Variants in NEK1 observed in about 807,000 individuals in gnomAD.
NEK1 encodes serine/threonine-protein kinase Nek1.
Under a neutral mutation model 182.1 loss-of-function variants are expected in NEK1, and 137 were observed. The observed-to-expected ratio is 0.75, with a 90% CI of 0.65 to 0.87. NEK1 has a LOEUF of 0.87. Among genes scored for constraint, NEK1 ranks in the 40% least tolerant of loss-of-function variants. NEK1 has a pLI of 0.00. For synonymous variants in NEK1, 513 were observed against 492.2 expected, an observed-to-expected ratio of 1.04 and a Z score of -0.56; for missense variants, 1,391 against 1,494.4, an observed-to-expected ratio of 0.93 and a Z score of 1.14.
At chr4:169,547,370 C>T (rs966555569) in intron 18 of NEK1, among the ~76,000 whole-genome samples, 12 of 152,128 alleles carry the variant, frequency 7.9e-5, no homozygotes, top group East Asian at 1.9e-4. Flanking sequence ...TTCCCTTTAC[C>T]GGTAACCTGA....
chr4:169,491,162 A>AG lies in NEK1; in HGVS notation c.2008-11629_2008-11628insC, dbSNP rs34050308. Among the ~76,000 whole-genome samples the AG allele has an allele frequency of 2.5e-3, 302 of 122,910 alleles. 20 individuals carry two copies. Among genetic ancestry groups the AG allele is most frequent in the African/African-American group, 8.4e-3 (264 of 31,326 alleles). The allele number at this position is 122,910 out of a possible 152,430, so 80.6% of individuals were successfully genotyped here. On this transcript the variant is annotated intron_variant, in intron 23 of 35. Transcript: ENST00000507142. ...AAAAAAAAAAAAAAAAAAAAAAAAAAAGAGAGATGGAGAAAGGCACAGAAG... is the reference window on the plus strand; with the variant it reads ...AAAAAAAAAAAAAAAAAAAAAAAAAAGAGAGAGATGGAGAAAGGCACAGAAG...
intron 11 of NEK1, 108 bp downstream of exon 11, chr4:169,580,734 A>T: frequency 1.4e-6 from 1 of 701,576 alleles, no homozygotes; most frequent in Non-Finnish European, 2.5e-6. Context: ...TCTCTGGATT[A>T]AATTTATCCT....
chr4:169,552,065 CAAT>C (rs1170993647), intron 18 of NEK1, among the ~76,000 whole-genome samples: 1 of 151,892 alleles, frequency 6.6e-6, no homozygotes, highest in African/African-American at 2.4e-5. Flanking sequence ...AGAACAAAGA[CAAT>C]AGTTTAAATT....
chr4:169,539,568 A>G (rs1219642316), intron 18 of NEK1, among the ~76,000 whole-genome samples: 1 of 152,094 alleles, frequency 6.6e-6, no homozygotes, highest in African/African-American at 2.4e-5. Context: ...GCTCTGACAT[A>G]AAATTAATAA....
intron 27 of NEK1, 138 bp from the exon 28 acceptor site, chr4:169,438,397 G>T: frequency 1.7e-6 from 1 of 599,162 alleles, no homozygotes; most frequent in Non-Finnish European, 2.9e-6. Flanking sequence ...CATATTAGAA[G>T]TTAATAAGTG....
At chr4:169,580,437 C>T (rs971922655) in intron 11 of NEK1, among the ~76,000 whole-genome samples, 4 of 135,086 alleles carry the variant, frequency 3.0e-5, no homozygotes, top group Admixed American at 8.6e-5. Flanking sequence ...GCGGAGGTTG[C>T]AGTGAGCCGA....
At chr4:169,491,176 AAGGCACAG>A (rs1236007248) in intron 23 of NEK1, among the ~76,000 whole-genome samples, 1 of 147,038 alleles carries the variant, frequency 6.8e-6, no homozygotes. Flanking sequence ...GAGATGGAGA[AAGGCACAG>A]AAGGCTTTTT....
chr4:169,470,091 T>G (rs1373979440), intron 26 of NEK1, among the ~76,000 whole-genome samples: 3 of 152,120 alleles, frequency 2.0e-5, no homozygotes, highest in Non-Finnish European at 4.4e-5. Flanking sequence ...AATTTGCCAG[T>G]CTGGGTCTTT....
chr4:169,574,611 GAAAAAAA>G (rs1235699069), intron 12 of NEK1, among the ~76,000 whole-genome samples: 1 of 69,118 alleles, frequency 1.4e-5, no homozygotes, highest in African/African-American at 4.8e-5. Context: ...CACCTCAAAA[GAAAAAAA>G]AAAAAAAAAA....
At chr4:169,478,159 A>G (rs991266802) in intron 24 of NEK1, among the ~76,000 whole-genome samples, 1 of 152,138 alleles carries the variant, frequency 6.6e-6, no homozygotes, top group African/African-American at 2.4e-5. Context: ...GAAAGCTATG[A>G]AAGCAAAGGC....
At chr4:169,563,487 G>A (rs1763247998) in intron 12 of NEK1, among the ~76,000 whole-genome samples, 1 of 151,970 alleles carries the variant, frequency 6.6e-6, no homozygotes, top group East Asian at 1.9e-4. Flanking sequence ...TTTATTAATA[G>A]TTTAATGCTG....
intron 19 of NEK1, among the ~76,000 whole-genome samples, chr4:169,512,935 C>T (rs911935640): frequency 1.3e-5 from 2 of 152,036 alleles, no homozygotes; most frequent in Admixed American, 6.6e-5. Context: ...CTGGGACTCT[C>T]CATAGTGTTT....
At chr4:169,530,993 G>C (rs1444192783) in intron 19 of NEK1, among the ~76,000 whole-genome samples, 1 of 150,488 alleles carries the variant, frequency 6.6e-6, no homozygotes, top group South Asian at 2.1e-4. Context: ...CAAGTCATCT[G>C]GTAGAATTAT....
intron 12 of NEK1, among the ~76,000 whole-genome samples, chr4:169,573,235 AG>A (rs755292273): frequency 2.0e-5 from 3 of 152,232 alleles, no homozygotes; most frequent in Non-Finnish European, 4.4e-5. Flanking sequence ...GACTAGCAGA[AG>A]TAATTGTGGG....
At chr4:169,486,257 A>G (rs1749024831) in intron 23 of NEK1, among the ~76,000 whole-genome samples, 1 of 152,134 alleles carries the variant, frequency 6.6e-6, no homozygotes, top group East Asian at 1.9e-4. Flanking sequence ...TTGTCACAAA[A>G]GGTTTTCAAT....
At chr4:169,445,860 A>ATATG (rs1350356172) in intron 27 of NEK1, among the ~76,000 whole-genome samples, 3 of 141,934 alleles carry the variant, frequency 2.1e-5, no homozygotes, top group Admixed American at 2.1e-4. Context: ...ATATATATAT[A>ATATG]TATATACACA....
chr4:169,538,145 A>T (rs1311591935), intron 18 of NEK1, among the ~76,000 whole-genome samples: 1 of 152,120 alleles, frequency 6.6e-6, no homozygotes, highest in African/African-American at 2.4e-5. Context: ...TTCACAAGAT[A>T]GTTTCTTTTA....
At chr4:169,468,965 T>C (rs1453347465) in intron 26 of NEK1, among the ~76,000 whole-genome samples, 1 of 152,204 alleles carries the variant, frequency 6.6e-6, no homozygotes, top group Non-Finnish European at 1.5e-5. Flanking sequence ...AGTGGTGATA[T>C]CCCCTTTATC....
chr4:169,598,514 T>C (rs147474956), intron 5 of NEK1, among the ~76,000 whole-genome samples: 79 of 151,404 alleles, frequency 5.2e-4, no homozygotes, highest in African/African-American at 1.9e-3. Context: ...ATAAATGAAA[T>C]AATCAGAGTA....
Sources: gnomAD v4.1 joint callset for allele counts (sites outside exome capture counted in the v4.1 genomes callset) on GRCh38, gnomAD v4.1.1 for gene constraint, MANE v1.5 for transcripts, NCBI Gene and HGNC (gene_info 2026-07-23, HGNC 2026-07-21) for gene names.